CFAP299: variants seen among roughly 807,000 people sequenced by gnomAD.
The protein encoded by CFAP299 is cilia- and flagella-associated protein 299.
A neutral mutation model predicts 27.0 loss-of-function variants in CFAP299; 21 were observed. That is an observed-to-expected ratio of 0.78 (90% CI 0.55 to 1.12). CFAP299 has a LOEUF of 1.12. Among genes scored for constraint, CFAP299 ranks in the 50% most tolerant of loss-of-function variants. CFAP299 has a pLI of 0.00. For synonymous variants in CFAP299, 104 were observed against 98.1 expected (o/e 1.06, Z -0.36); for missense variants, 310 against 276.6 (o/e 1.12, Z -0.86).
At chr4:80,860,227 T>G (rs1305096446) in intron 3 of CFAP299, among the ~76,000 whole-genome samples, 1 of 152,260 alleles carries the variant, frequency 6.6e-6, no homozygotes, top group African/African-American at 2.4e-5. Context: ...TCTGCATTCT[T>G]CCCGTAGTTC....
At chr4:80,731,839 T>C (rs946064734) in intron 3 of CFAP299, among the ~76,000 whole-genome samples, 2 of 152,104 alleles carry the variant, frequency 1.3e-5, no homozygotes, top group African/African-American at 4.8e-5. Flanking sequence ...TTCTAGAAAA[T>C]CCCTGATTTA....
chr4:80,593,209 G>C (rs1423827873), intron 3 of CFAP299, among the ~76,000 whole-genome samples: 1 of 152,178 alleles, frequency 6.6e-6, no homozygotes, highest in Non-Finnish European at 1.5e-5. Flanking sequence ...TAGCAGAGGG[G>C]AAGATCTAAA....
At chr4:80,685,727 A>G (rs1227622382) in intron 3 of CFAP299, among the ~76,000 whole-genome samples, 7 of 152,234 alleles carry the variant, frequency 4.6e-5, no homozygotes, top group Non-Finnish European at 8.8e-5. Context: ...AGTTCAATTG[A>G]CATAACTTTG....
chr4:80,677,798 C>T (rs1339912560), intron 3 of CFAP299, among the ~76,000 whole-genome samples: 1 of 151,980 alleles, frequency 6.6e-6, no homozygotes, highest in Non-Finnish European at 1.5e-5. Context: ...ATAGCAGACA[C>T]AAGAGTTAAC....
chr4:80,650,494 T>G (rs1740226845), intron 3 of CFAP299, among the ~76,000 whole-genome samples: 1 of 152,152 alleles, frequency 6.6e-6, no homozygotes, highest in South Asian at 2.1e-4. Flanking sequence ...TGTTATCCTA[T>G]TTGATGTGTC....
intron 1 of CFAP299, among the ~76,000 whole-genome samples, chr4:80,351,285 A>G (rs1374124222): frequency 6.6e-6 from 1 of 152,198 alleles, no homozygotes; most frequent in Non-Finnish European, 1.5e-5. Context: ...TTAAAGAAAA[A>G]TAATGACATT....
chr4:80,695,225 A>C (rs1721011866), intron 3 of CFAP299, among the ~76,000 whole-genome samples: 1 of 152,216 alleles, frequency 6.6e-6, no homozygotes, highest in South Asian at 2.1e-4. Context: ...AGCATGGACT[A>C]TTTTGGATAC....
At chr4:80,604,361 TA>T (rs1442517690) in intron 3 of CFAP299, among the ~76,000 whole-genome samples, 1 of 152,086 alleles carries the variant, frequency 6.6e-6, no homozygotes, top group Non-Finnish European at 1.5e-5. Flanking sequence ...TAGCTGTCAG[TA>T]AGATAATTGG....
intron 3 of CFAP299, among the ~76,000 whole-genome samples, chr4:80,697,191 A>C (rs907748753): frequency 6.7e-6 from 1 of 149,264 alleles, no homozygotes; most frequent in African/African-American, 2.6e-5. Flanking sequence ...AAAAATTTGA[A>C]AAAAAAAATT....
intron 2 of CFAP299, among the ~76,000 whole-genome samples, chr4:80,374,889 T>C (rs757742976): frequency 7.2e-5 from 11 of 152,042 alleles, no homozygotes; most frequent in Non-Finnish European, 1.6e-4. Flanking sequence ...TGTTTGCATA[T>C]GACTTTGTCC....
rs139646908 is a variant in CFAP299, at chr4:80,353,815, A to C, written c.112-8939A>C. Among the ~76,000 whole-genome samples, 1,185 of 152,364 alleles carry C rather than the reference A, an allele frequency of 7.8e-3. 3 individuals carry two copies. Among genetic ancestry groups the C allele is most frequent in the Middle Eastern group, 0.024 (7 of 294 alleles). ...CTAATATACTTAAGAATTGAGTATA[A>C]AGAAATGTAAAATTTCAAATCAGTG... On this transcript the variant is annotated intron_variant, in intron 1 of 5. Transcript: ENST00000358105.
chr4:80,674,328 T>C (rs1220957610), intron 3 of CFAP299, among the ~76,000 whole-genome samples: 1 of 152,180 alleles, frequency 6.6e-6, no homozygotes, highest in Non-Finnish European at 1.5e-5. Context: ...ATTCTTTTCT[T>C]TAATAATGTT....
intron 2 of CFAP299, among the ~76,000 whole-genome samples, chr4:80,490,982 A>G (rs1172775188): frequency 6.8e-6 from 1 of 146,356 alleles, no homozygotes; most frequent in Non-Finnish European, 1.5e-5. Flanking sequence ...AAAGACAAAA[A>G]TTAGTTTCAA....
At chr4:80,677,110 T>A (rs918174544) in intron 3 of CFAP299, among the ~76,000 whole-genome samples, 1 of 152,140 alleles carries the variant, frequency 6.6e-6, no homozygotes, top group African/African-American at 2.4e-5. Context: ...TTAGCACTGC[T>A]CTTACTGTAT....
intron 3 of CFAP299, among the ~76,000 whole-genome samples, chr4:80,677,865 T>A (rs1053401866): frequency 2.0e-5 from 3 of 152,102 alleles, no homozygotes; most frequent in African/African-American, 7.2e-5. Context: ...TACATTTAAA[T>A]AGATAAATTC....
intron 2 of CFAP299, among the ~76,000 whole-genome samples, chr4:80,505,750 T>G (rs184399322): frequency 7.2e-5 from 11 of 152,212 alleles, no homozygotes; most frequent in Admixed American, 7.2e-4. Flanking sequence ...ATTTTTTTAA[T>G]TGCCTCATAA....
At chr4:80,522,866 A>G (rs1272796941) in intron 2 of CFAP299, among the ~76,000 whole-genome samples, 1 of 151,994 alleles carries the variant, frequency 6.6e-6, no homozygotes, top group Non-Finnish European at 1.5e-5. Flanking sequence ...TATGTCTGTC[A>G]TTATTCCAGT....
At chr4:80,766,570 T>C (rs561607239) in intron 3 of CFAP299, among the ~76,000 whole-genome samples, 1 of 152,302 alleles carries the variant, frequency 6.6e-6, no homozygotes, top group African/African-American at 2.4e-5. Flanking sequence ...GAGAGGAATA[T>C]TATTCTTCTT....
chr4:80,880,758 T>TAAAATAAAATAAAATAAAATA lies in CFAP299; in HGVS notation c.476+10626_476+10627insATAAAATAAAATAAAATAAAA, dbSNP rs771412772. ...AAAATAAAATAAAATAAAATAAAAT[T>TAAAATAAAATAAAATAAAATA]AAATTAAATTAAAATTTTAAAAAGA... On this transcript the variant is annotated intron_variant, in intron 4 of 5. Coordinates refer to ENST00000358105, the MANE Select transcript of CFAP299 (RefSeq NM_152770.3). Among the ~76,000 whole-genome samples the TAAAATAAAATAAAATAAAATA allele has an allele frequency of 5.8e-4, 88 of 151,212 alleles. 1 individual carries two copies. Among genetic ancestry groups the TAAAATAAAATAAAATAAAATA allele is most frequent in the African/African-American group, 2.1e-3 (86 of 40,812 alleles).
Sources: gnomAD v4.1 joint callset for allele counts (sites outside exome capture counted in the v4.1 genomes callset) on GRCh38, gnomAD v4.1.1 for gene constraint, MANE v1.5 for transcripts, NCBI Gene and HGNC (gene_info 2026-07-23, HGNC 2026-07-21) for gene names.